CDK11A: variants seen among roughly 807,000 people sequenced by gnomAD.
The protein encoded by CDK11A is cyclin dependent kinase 11A.
A neutral mutation model predicts 83.6 loss-of-function variants in CDK11A; 55 were observed. The ratio of observed to expected loss-of-function variants is 0.66; its 90% confidence interval spans 0.53 to 0.82. The LOEUF (loss-of-function observed/expected upper bound fraction) is 0.82, where lower values mean the gene tolerates loss of function less well. CDK11A is among the 40% of genes least tolerant of loss of function. The probability of loss-of-function intolerance (pLI) is 0.00; values close to 1 mark genes in which losing one functional copy is unlikely to be tolerated. For synonymous variants in CDK11A, 247 were observed against 302.7 expected, an observed-to-expected ratio of 0.82 and a Z score of 1.91; for missense variants, 564 against 810.1, an observed-to-expected ratio of 0.70 and a Z score of 3.69.
rs1441614185 is a variant in CDK11A, at chr1:1,703,203, G to A, written c.2127C>T (p.Arg709=). The A allele has an allele frequency of 1.3e-4, 56 of 430,160 alleles. No individual in the cohort carries two copies. The Middle Eastern group carries it at 2.1e-3, about 16-fold the overall frequency. The allele number at this position is 430,160 out of a possible 1,614,324, so 26.6% of individuals were successfully genotyped here. A position where few individuals can be genotyped will look rare whatever the true frequency, so the allele number is the denominator to read the frequency against. ...AGGGGTCGATGGGGAGGGGGGTCTC[G>A]CGGAAATACTCATGCTTGAGGCCGT... ...AEDGLKHEYF[R]ETPLPIDPSM... Residue 709 remains arginine, a synonymous_variant, in exon 19 of 20, where the codon CGC becomes CGT. Coordinates refer to ENST00000404249, the MANE Select transcript of CDK11A (RefSeq NM_024011.4).
At position 1,707,965 on chromosome 1, in the gene CDK11A, C is replaced by G. The variant is rs905241002; in HGVS notation, c.1069+215G>C. Among the ~76,000 whole-genome samples, 12 of 139,834 alleles carry G rather than the reference C, an allele frequency of 8.6e-5. 2 individuals carry two copies. The highest frequency in any genetic ancestry group is 2.1e-4 in the Admixed American group (3 of 14,538). 91.7% of individuals were successfully genotyped at this position (139,834 alleles called of 152,430 possible). On this transcript the variant is annotated intron_variant, in intron 10 of 19. Transcript: ENST00000404249. ...GGAACTGGTCCTGGGCTTCCCAGCT[C>G]CTCGGCCCTGCTGGGCACTCAGGAC...
intron 4 of CDK11A, among the ~76,000 whole-genome samples, chr1:1,718,725 C>A (rs1644779445): frequency 6.6e-6 from 1 of 150,388 alleles, no homozygotes; most frequent in Non-Finnish European, 1.5e-5. Context: ...CAAGCTCCGC[C>A]TCCCAGGTTC....
At chr1:1,720,176 G>T (rs1349564299) in intron 3 of CDK11A, among the ~76,000 whole-genome samples, 2 of 148,388 alleles carry the variant, frequency 1.3e-5, no homozygotes, top group African/African-American at 2.5e-5. Context: ...CTCACTACAA[G>T]CTCTACCTCC....
At position 1,704,094 on chromosome 1, in the gene CDK11A, G is replaced by T; in HGVS notation, c.1739C>A (p.Thr580Asn). Residue 580 changes from threonine (T) to asparagine (N), a missense_variant, in exon 16 of 20, where the codon ACC becomes AAC. By Grantham distance (65) the Thr-to-Asn change is moderately conservative. Transcript: ENST00000404249. The stretch of plus-strand genomic sequence containing the variant: ...GTACCACTGGGTCACCACGACCGGG[G>T]TGTAGGCCTTCAGAGGGGATCCGTA... Reference protein sequence around the residue: ...REYGSPLKAYTPVVVTQWYRA... With the variant: ...REYGSPLKAYNPVVVTQWYRA... The T allele has an allele frequency of 6.2e-7, 1 of 1,600,820 alleles. No homozygotes were observed. The highest frequency in any genetic ancestry group is 8.5e-7 in the Non-Finnish European group (1 of 1,171,880).
chr1:1,718,335 G>A (rs1273204758), intron 4 of CDK11A, among the ~76,000 whole-genome samples: 1 of 148,986 alleles, frequency 6.7e-6, no homozygotes, highest in African/African-American at 2.5e-5. Context: ...CCCTCTGAAC[G>A]GTCTGTGACA....
intron 4 of CDK11A, among the ~76,000 whole-genome samples, chr1:1,717,068 T>TC (rs1644691516): frequency 9.4e-5 from 1 of 10,642 alleles, no homozygotes; most frequent in East Asian, 3.3e-3. Flanking sequence ...ATAATCATGA[T>TC]TTTATGTTAA....
rs1265803136 is a variant in CDK11A, at chr1:1,704,585, C to T, written c.1529G>A (p.Ser510Asn). 6.9e-6 allele frequency: 11 copies of T among 1,604,024 alleles called. No homozygotes were observed. Among genetic ancestry groups the T allele is most frequent in the Non-Finnish European group, 9.4e-6 (11 of 1,174,550 alleles). Reference protein sequence around the residue: ...VMNYVEHDLKSLMETMKQPFL... With the variant: ...VMNYVEHDLKNLMETMKQPFL... The stretch of plus-strand genomic sequence containing the variant: ...GGGCTGTTTCATGGTCTCCATCAGG[C>T]TCTTGAGGTCGTGCTCCACGTAGTT... The change falls in exon 14 of 20, where the codon AGC becomes AAC. Residue 510 changes from serine to asparagine, a missense_variant. Physicochemically the swap from Ser to Asn is conservative, Grantham distance 46 (BLOSUM62 1). Coordinates refer to ENST00000404249, the MANE Select transcript of CDK11A (RefSeq NM_024011.4).
Position 1,704,819 on chromosome 1 carries a change from T to C in CDK11A, c.1458+85A>G, listed in dbSNP as rs569910947. ...GGGCTCCACTAAGTGCAGGAGAGTGTAGGAAGCACCCGGCCCCAGGACAGC... is the reference window on the plus strand; with the variant it reads ...GGGCTCCACTAAGTGCAGGAGAGTGCAGGAAGCACCCGGCCCCAGGACAGC... On this transcript the variant is annotated intron_variant, in intron 13 of 19. Coordinates refer to ENST00000404249, the MANE Select transcript of CDK11A (RefSeq NM_024011.4). 33 of 1,603,476 alleles carry C rather than the reference T, an allele frequency of 2.1e-5. 2 individuals are homozygous for C. In the South Asian group the frequency reaches 3.6e-4, roughly 17 times the overall value.
intron 5 of CDK11A, among the ~76,000 whole-genome samples, chr1:1,715,611 C>T (rs1341571760): frequency 8.0e-5 from 12 of 150,052 alleles, no homozygotes; most frequent in Admixed American, 2.0e-4. Flanking sequence ...CAAGAACCAG[C>T]GCCCTCTCAT....
Position 1,702,955 on chromosome 1 carries a change from C to T in CDK11A, c.2295G>A (p.Thr765=), listed in dbSNP as rs1488335655. 1.2e-5 allele frequency: 6 copies of T among 481,858 alleles called. No individual in the cohort carries two copies. Among genetic ancestry groups the T allele is most frequent in the African/African-American group, 3.1e-5 (1 of 32,580 alleles). 29.8% of individuals were successfully genotyped at this position (481,858 alleles called of 1,614,324 possible). A position where few individuals can be genotyped will look rare whatever the true frequency, so the allele number is the denominator to read the frequency against. ...GGCCCGCGGCAGAGGCCCCCTGGTT[C>T]GTGGTGGTAAGGTGGAAGCCCGTCT... ...LKETGFHLTT[T]NQGASAAGPG... The change falls in exon 20 of 20, where the codon ACG becomes ACA. Residue 765 remains threonine (T), a synonymous_variant. Transcript: ENST00000404249.
In CDK11A at chr1:1,719,457, T is replaced by C; in HGVS notation, c.228-2A>G. ...GCCAAAGAATCATCTTCTTCTCCTC[T>C]GAAATAAAACACAACAGCACTGCGT... On this transcript the variant is annotated splice_acceptor_variant, in intron 3 of 19. Coordinates refer to ENST00000404249, the MANE Select transcript of CDK11A (RefSeq NM_024011.4). LOFTEE classifies it high-confidence loss of function. 6.7e-7 allele frequency: 1 copy of C among 1,493,504 alleles called. No homozygotes were observed. Among genetic ancestry groups the C allele is most frequent in the Non-Finnish European group, 8.9e-7 (1 of 1,123,606 alleles). 92.5% of individuals were successfully genotyped at this position (1,493,504 alleles called of 1,614,324 possible).
At chr1:1,715,560 G>C (rs1198943784) in intron 5 of CDK11A, among the ~76,000 whole-genome samples, 1 of 147,964 alleles carries the variant, frequency 6.8e-6, no homozygotes, top group East Asian at 2.0e-4. Context: ...CTCGGACCTT[G>C]ACCCCTGGGC....
In CDK11A at chr1:1,708,849, TTCCTCTTCCTCC is replaced by T. The variant is rs1644424067; in HGVS notation, c.936_947del (p.Glu318_Glu321del). On this transcript the variant is annotated inframe_deletion, in exon 9 of 20. Coordinates refer to ENST00000404249, the MANE Select transcript of CDK11A (RefSeq NM_024011.4). ...TGCTGCCGGTCTCCTCCTCCTCCTCTTCCTCTTCCTCCTCCTCCTCCTCTGATTCTTCACTGG... is the reference window on the plus strand; with the variant it reads ...TGCTGCCGGTCTCCTCCTCCTCCTCTTCCTCCTCCTCTGATTCTTCACTGG... 8.1e-7 allele frequency: 1 copy of T among 1,237,760 alleles called. No homozygotes were observed. The highest frequency in any genetic ancestry group is 1.6e-5 in the African/African-American group (1 of 63,850). The allele number at this position is 1,237,760 out of a possible 1,614,324, so 76.7% of individuals were successfully genotyped here. A position where few individuals can be genotyped will look rare whatever the true frequency, so the allele number is the denominator to read the frequency against.
intron 9 of CDK11A, among the ~76,000 whole-genome samples, chr1:1,708,565 C>G (rs533542449): frequency 7.8e-6 from 1 of 127,974 alleles, no homozygotes; most frequent in African/African-American, 2.8e-5. Context: ...CACTTGAACC[C>G]GGGAGGCAGA....
chr1:1,719,398 T>G lies in CDK11A; in HGVS notation c.285A>C (p.Glu95Asp), dbSNP rs1315882882. The G allele has an allele frequency of 1.3e-6, 2 of 1,538,768 alleles. 1 individual carries two copies. Among genetic ancestry groups the G allele is most frequent in the Non-Finnish European group, 1.7e-6 (2 of 1,145,536 alleles). The change falls in exon 4 of 20, where the codon GAA (glutamate) becomes GAC (aspartate). Residue 95 changes from glutamate to aspartate, a missense_variant. Physicochemically the swap from Glu to Asp is conservative, Grantham distance 45 (BLOSUM62 2). Coordinates refer to ENST00000404249, the MANE Select transcript of CDK11A (RefSeq NM_024011.4). ...TTTCATCTTTTCTGTGATGAACTTT[T>G]TCTTTCCGAGACATTTGCTGGGGTG... ...IKPPQQMSRK[E>D]KVHHRKDEKR...
At chr1:1,721,150 G>C (rs1220281884) in intron 3 of CDK11A, among the ~76,000 whole-genome samples, 1 of 149,856 alleles carries the variant, frequency 6.7e-6, no homozygotes, top group South Asian at 2.1e-4. Flanking sequence ...CCGAGATGGC[G>C]CCACTGCACT....
rs531204965 is a variant in CDK11A at position 1,721,369 on chromosome 1, G to A, written c.227+227C>T. Among the ~76,000 whole-genome samples, 11 of 150,956 alleles carry A rather than the reference G, an allele frequency of 7.3e-5. 2 individuals are homozygous for A. Among genetic ancestry groups the A allele is most frequent in the South Asian group, 2.1e-4 (1 of 4,730 alleles). On this transcript the variant is annotated intron_variant, in intron 3 of 19. Coordinates refer to ENST00000404249, the MANE Select transcript of CDK11A (RefSeq NM_024011.4). ...AGCACACCCCGTCACAGTAGCCCTAGGAAAGAGTAAACCTCAATAGTTACA... is the reference window on the plus strand; with the variant it reads ...AGCACACCCCGTCACAGTAGCCCTAAGAAAGAGTAAACCTCAATAGTTACA...
chr1:1,719,546 C>T, intron 3 of CDK11A, 91 bp from the exon 4 acceptor site: 1 of 1,064,390 alleles, frequency 9.4e-7, no homozygotes, highest in Non-Finnish European at 1.3e-6. Flanking sequence ...CAGAAAAATG[C>T]ATGATTCAGA....
In CDK11A at chr1:1,707,384, G is replaced by A. The variant is rs1302142436; in HGVS notation, c.1245+25C>T. The A allele has an allele frequency of 5.6e-6, 9 of 1,603,770 alleles. 1 individual carries two copies. The highest frequency in any genetic ancestry group is 1.7e-5 in the Admixed American group (1 of 59,374). ...ACTCCGACTGCCAATGCGGACAGCG[G>A]CCCGGGGCGAGGGGAGGGCCTGACC... On this transcript the variant is annotated intron_variant, in intron 11 of 19. Transcript: ENST00000404249.
Sources: allele counts gnomAD v4.1 joint callset (sites outside exome capture counted in the v4.1 genomes callset), GRCh38; gene constraint gnomAD v4.1.1; transcripts MANE v1.5; gene names NCBI Gene and HGNC (gene_info 2026-07-23, HGNC 2026-07-21).